AFF3: variants seen among roughly 807,000 people sequenced by gnomAD.
AFF3 encodes the protein AF4/FMR2 family member 3.
In AFF3, 32 loss-of-function variants were observed where a neutral mutation model predicts 129.7. The ratio of observed to expected loss-of-function variants is 0.25; its 90% CI spans 0.19 to 0.33. The LOEUF (loss-of-function observed/expected upper bound fraction) is 0.33. Among genes scored for constraint, AFF3 ranks in the 10% least tolerant of loss-of-function variants. The pLI, the probability that AFF3 is intolerant of heterozygous loss-of-function variation, is 1.00. For synonymous variants in AFF3, 644 were observed against 635.4 expected (o/e 1.01, Z -0.20); for missense variants, 1,373 against 1,592.0 (o/e 0.86, Z 2.34).
chr2:99,837,498 G>A lies in AFF3; in HGVS notation c.900C>T (p.Ser300=). The A allele has an allele frequency of 6.2e-7, 1 of 1,613,642 alleles. No individual in the cohort carries two copies. Among genetic ancestry groups the A allele is most frequent in the Non-Finnish European group, 8.5e-7 (1 of 1,179,838 alleles). Residue 300 remains serine, a synonymous_variant, in exon 8 of 25, where the codon AGC becomes AGT. Coordinates refer to ENST00000672756, the MANE Select transcript of AFF3 (RefSeq NM_001386135.1). The part of the protein sequence containing the change: ...GEESRSGETN[S]CVEEIIREMT... Reference sequence around the variant, plus strand: ...TTACCCGGATTATTTCTTCAACACAGCTGTTGGTTTCTCCAGATCTACTCT... The same window carrying A: ...TTACCCGGATTATTTCTTCAACACAACTGTTGGTTTCTCCAGATCTACTCT...
intron 7 of AFF3, among the ~76,000 whole-genome samples, chr2:99,922,079 G>T (rs894007094): frequency 6.6e-6 from 1 of 152,128 alleles, no homozygotes; most frequent in Admixed American, 6.5e-5. Context: ...TGAGGATATG[G>T]AGTAACGATA....
At chr2:99,820,867 CAT>C (rs1347099566) in intron 8 of AFF3, among the ~76,000 whole-genome samples, 1 of 140,208 alleles carries the variant, frequency 7.1e-6, no homozygotes, top group Non-Finnish European at 1.5e-5. Flanking sequence ...TTCTCCTCCA[CAT>C]CTTTTTTTTT....
chr2:100,044,396 C>T (rs1038932405), intron 4 of AFF3, among the ~76,000 whole-genome samples: 1 of 152,176 alleles, frequency 6.6e-6, no homozygotes, highest in Admixed American at 6.5e-5. Flanking sequence ...AATGAAAACA[C>T]TGAACGTATT....
intron 7 of AFF3, among the ~76,000 whole-genome samples, chr2:99,847,346 T>C (rs1321029635): frequency 6.6e-6 from 1 of 151,784 alleles, no homozygotes; most frequent in Non-Finnish European, 1.5e-5. Context: ...CAGATAATTT[T>C]TGTATTTTCA....
intron 18 of AFF3, among the ~76,000 whole-genome samples, chr2:99,577,445 A>C (rs1051166936): frequency 6.6e-6 from 1 of 152,086 alleles, no homozygotes; most frequent in Non-Finnish European, 1.5e-5. Flanking sequence ...GGACATGTAG[A>C]GCCATTTTAT....
At chr2:99,874,172 G>GT (rs1217590460) in intron 7 of AFF3, among the ~76,000 whole-genome samples, 1 of 151,994 alleles carries the variant, frequency 6.6e-6, no homozygotes, top group Non-Finnish European at 1.5e-5. Context: ...GCTAGACTCC[G>GT]TCTCAAAAAA....
chr2:99,723,961 A>G (rs957640782), intron 11 of AFF3, among the ~76,000 whole-genome samples: 1 of 152,080 alleles, frequency 6.6e-6, no homozygotes, highest in African/African-American at 2.4e-5. Context: ...GGCCGGGGAT[A>G]ACTCCTCTCT....
chr2:99,949,136 G>A (rs1271011739), intron 7 of AFF3, among the ~76,000 whole-genome samples: 1 of 152,106 alleles, frequency 6.6e-6, no homozygotes, highest in Non-Finnish European at 1.5e-5. Context: ...TTAGGCTTTG[G>A]ATTCCTCATC....
chr2:99,752,206 G>A lies in AFF3; in HGVS notation c.1002+15C>T, dbSNP rs1420959275. ...TGAGTGAAACATATTCCTCCTGAGG[G>A]ATGCAAGATCTCACCTTATTTGGAA... On this transcript the variant is annotated intron_variant, in intron 9 of 24. Transcript: ENST00000672756. 1 of 1,597,634 alleles carries A rather than the reference G, an allele frequency of 6.3e-7. No homozygotes were observed. Among genetic ancestry groups the A allele is most frequent in the South Asian group, 1.1e-5 (1 of 90,734 alleles).
In AFF3 at chr2:99,593,557, A is replaced by C; in HGVS notation, c.2104T>G (p.Ser702Ala). 3.7e-6 allele frequency: 6 copies of C among 1,613,092 alleles called. No individual in the cohort carries two copies. Among genetic ancestry groups the C allele is most frequent in the Non-Finnish European group, 5.1e-6 (6 of 1,179,898 alleles). Residue 702 changes from serine (S) to alanine (A), a missense_variant, in exon 15 of 25, where the codon TCC (serine) becomes GCC (alanine). This residue lies in a region of AFF3 where 466 missense variants were observed against 505.0 expected (regional missense o/e 0.92). Transcript: ENST00000672756. Reference protein sequence around the residue: ...KAQTVAASASSGNDQRLKEAA... With the variant: ...KAQTVAASASAGNDQRLKEAA... Reference sequence around the variant, plus strand: ...TCCTTCAGCCTCTGATCATTCCCGGAGGAGGCAGAGGCAGCCACGGTCTGT... The same window carrying C: ...TCCTTCAGCCTCTGATCATTCCCGGCGGAGGCAGAGGCAGCCACGGTCTGT...
chr2:99,716,882 C>CAAA (rs58689373), intron 11 of AFF3, among the ~76,000 whole-genome samples: 10 of 80,846 alleles, frequency 1.2e-4, no homozygotes, highest in African/African-American at 3.6e-4. Context: ...GACTCCGTCT[C>CAAA]AAAAAAAAAA....
At chr2:99,756,536 G>A (rs991858541) in intron 8 of AFF3, among the ~76,000 whole-genome samples, 2 of 152,206 alleles carry the variant, frequency 1.3e-5, no homozygotes, top group Non-Finnish European at 2.9e-5. Flanking sequence ...ATACCTGCCT[G>A]CACCCTCTGT....
At chr2:100,061,862 G>GT (rs1553515759) in intron 4 of AFF3, among the ~76,000 whole-genome samples, 1 of 151,246 alleles carries the variant, frequency 6.6e-6, no homozygotes, top group South Asian at 2.1e-4. Context: ...AGTGGAGGGG[G>GT]GGGGGGTGCC....
chr2:99,609,421 A>G (rs571479491), intron 13 of AFF3, among the ~76,000 whole-genome samples: 2 of 151,424 alleles, frequency 1.3e-5, no homozygotes, highest in African/African-American at 4.9e-5. Flanking sequence ...CCATTGTATC[A>G]TTCTTATGCC....
chr2:99,872,881 G>A (rs553963872), intron 7 of AFF3, among the ~76,000 whole-genome samples: 29 of 152,316 alleles, frequency 1.9e-4, no homozygotes, highest in Admixed American at 1.8e-3. Flanking sequence ...CCTGGTGGCA[G>A]ATACAAGTTT....
intron 4 of AFF3, among the ~76,000 whole-genome samples, chr2:100,081,532 G>A (rs1573370407): frequency 1.3e-5 from 2 of 152,068 alleles, no homozygotes; most frequent in South Asian, 2.1e-4. Flanking sequence ...ATTCCTGAAC[G>A]TCCCCTGACC....
At chr2:99,837,028 A>G (rs1352347294) in intron 8 of AFF3, among the ~76,000 whole-genome samples, 1 of 152,262 alleles carries the variant, frequency 6.6e-6, no homozygotes, top group Admixed American at 6.5e-5. Context: ...ATGTGAAACA[A>G]TAGAGAAATA....
chr2:99,799,794 C>T (rs1391600438), intron 8 of AFF3, among the ~76,000 whole-genome samples: 2 of 152,084 alleles, frequency 1.3e-5, no homozygotes, highest in Admixed American at 6.6e-5. Flanking sequence ...CAGAAATACA[C>T]CACATATCTA....
chr2:99,900,120 G>A (rs1219957271), intron 7 of AFF3, among the ~76,000 whole-genome samples: 2 of 152,140 alleles, frequency 1.3e-5, no homozygotes, highest in East Asian at 1.9e-4. Context: ...GGAAACGTGG[G>A]AACCCTGTGA....
Sources: allele counts gnomAD v4.1 joint callset (sites outside exome capture counted in the v4.1 genomes callset), GRCh38; gene constraint gnomAD v4.1.1; regional missense constraint gnomAD v4.1.1; transcripts MANE v1.5; gene names NCBI Gene and HGNC (gene_info 2026-07-23, HGNC 2026-07-21).